The following TGDS variants were observed in gnomAD, a reference collection of about 807,000 sequenced individuals.
TGDS encodes the protein UDP-D-glucose 4,6-dehydratase.
In TGDS, 47 loss-of-function variants were observed where a neutral mutation model predicts 52.3. The ratio of observed to expected loss-of-function variants is 0.90; its 90% CI spans 0.71 to 1.15. The LOEUF (loss-of-function observed/expected upper bound fraction) is 1.15. Ranked by LOEUF, TGDS falls within the 50% of genes most tolerant of loss-of-function variation. The pLI is 0.00. For synonymous variants in TGDS, 115 were observed against 136.9 expected (o/e 0.84, Z 1.12); for missense variants, 375 against 418.4 (o/e 0.90, Z 0.90).
intron 5 of TGDS, 98 bp downstream of exon 5, chr13:94,582,996 G>T: frequency 7.8e-7 from 1 of 1,281,722 alleles, no homozygotes; most frequent in Non-Finnish European, 1.1e-6. Flanking sequence ...TGCCACAAGT[G>T]TATATAATTT....
chr13:94,592,702 C>T (rs1044763480), intron 2 of TGDS, among the ~76,000 whole-genome samples: 15 of 152,248 alleles, frequency 9.9e-5, no homozygotes, highest in African/African-American at 3.6e-4. Context: ...GATCCGCCTG[C>T]CTCAGCCTCC....
At chr13:94,588,533 C>T (rs1889084715) in intron 4 of TGDS, among the ~76,000 whole-genome samples, 1 of 146,732 alleles carries the variant, frequency 6.8e-6, no homozygotes, top group South Asian at 2.3e-4. Context: ...TTATAAAAAT[C>T]TATAAGGAAA....
intron 1 of TGDS, chr13:94,595,830 G>C (rs1889354650): frequency 8.3e-6 from 5 of 600,082 alleles, no homozygotes; most frequent in Non-Finnish European, 1.5e-5. Context: ...GGAGAGTAAC[G>C]CAGCTTTGGA....
In TGDS at chr13:94,590,885, A is replaced by G. The variant is rs1429058726; in HGVS notation, c.281T>C (p.Ile94Thr). The G allele has an allele frequency of 1.4e-5, 22 of 1,576,786 alleles. No individual in the cohort carries two copies. Among genetic ancestry groups the G allele is most frequent in the African/African-American group, 4.2e-5 (3 of 72,256 alleles). ...KLLFETEKID[I>T]VLHFAAQTHV... ...TGTTTGTGCGGCAAAATGTAGTACT[A>G]TATCTATTTTCTCTGTTTCAAAAAG... The change falls in exon 4 of 12, where the codon ATA (isoleucine) becomes ACA (threonine). Residue 94 changes from isoleucine to threonine, a missense_variant. Physicochemically the swap from Ile to Thr is moderately conservative, Grantham distance 89. Coordinates refer to ENST00000261296, the MANE Select transcript of TGDS (RefSeq NM_014305.4).
intron 5 of TGDS, among the ~76,000 whole-genome samples, chr13:94,581,785 CATAA>C (rs2139522812): frequency 6.6e-6 from 1 of 152,114 alleles, no homozygotes; most frequent in African/African-American, 2.4e-5. Flanking sequence ...TAAGTAAATT[CATAA>C]ATAATAAAAT....
rs778393818 is a variant in TGDS, at chr13:94,578,028, G to C, written c.802C>G (p.Leu268Val). Residue 268 changes from leucine to valine, a missense_variant, in exon 9 of 12, where the codon CTT (leucine) becomes GTT (valine). Transcript: ENST00000261296. ...GTNFEMSVVQ[L>V]AKELIQLIKE... ...ACCAGTTGTATTAGTTCTTTGGCAA[G>C]CTGGACAACTGACATTTCAAAATTG... 2.5e-6 allele frequency: 4 copies of C among 1,613,650 alleles called. No homozygotes were observed. The African/African-American group carries it at 5.3e-5, about 22-fold the overall frequency.
At position 94,574,707 on chromosome 13, in the gene TGDS, C is replaced by A; in HGVS notation, c.*75G>T. 1.2e-6 allele frequency: 1 copy of A among 861,736 alleles called. No individual in the cohort carries two copies. Among genetic ancestry groups the A allele is most frequent in the South Asian group, 1.5e-5 (1 of 66,636 alleles). The allele number at this position is 861,736 out of a possible 1,614,324, so 53.4% of individuals were successfully genotyped here. On this transcript the variant is annotated 3_prime_UTR_variant, in exon 12 of 12. Coordinates refer to ENST00000261296, the MANE Select transcript of TGDS (RefSeq NM_014305.4). ...AAGAAAAGAGTGCACTTCATTTGGTCACTTAATTTCATACCACTTGGCGAG... is the reference window on the plus strand; with the variant it reads ...AAGAAAAGAGTGCACTTCATTTGGTAACTTAATTTCATACCACTTGGCGAG...
intron 4 of TGDS, among the ~76,000 whole-genome samples, chr13:94,590,357 T>G (rs904817407): frequency 6.6e-6 from 1 of 151,798 alleles, no homozygotes; most frequent in Admixed American, 6.6e-5. Context: ...AGCAGTAATA[T>G]TTACTACTGA....
rs1238110100 is a variant in TGDS at position 94,574,833 on chromosome 13, A to G, written c.1002T>C (p.Asn334=). ...IKKTIEWYRE[N]FHNWKNVEKA... ...TTTCCACATTCTTCCAGTTGTGAAA[A>G]TTCTCTCTGTACCATTCAACTAATA... The change falls in exon 12 of 12, where the codon AAT becomes AAC. Residue 334 remains asparagine, a synonymous_variant. Transcript: ENST00000261296. 4.4e-6 allele frequency: 7 copies of G among 1,602,108 alleles called. No individual in the cohort carries two copies. The highest frequency in any genetic ancestry group is 6.0e-6 in the Non-Finnish European group (7 of 1,170,694).
chr13:94,592,215 G>C, intron 3 of TGDS, 26 bp downstream of exon 3: 1 of 1,546,886 alleles, frequency 6.5e-7, no homozygotes, highest in Non-Finnish European at 8.8e-7. Flanking sequence ...AAGAGGCACG[G>C]TACAGTTACA....
At position 94,590,934 on chromosome 13, in the gene TGDS, A is replaced by C; in HGVS notation, c.232T>G (p.Cys78Gly). Reference protein sequence around the residue: ...QNYKFIQGDICDSHFVKLLFE... With the variant: ...QNYKFIQGDIGDSHFVKLLFE... ...AGCAGTTTCACAAAGTGAGAATCAC[A>C]TATGTCACCCTATATGAAAAAGCAA... Residue 78 changes from cysteine to glycine, a missense_variant, in exon 4 of 12, where the codon TGT becomes GGT. Cys to Gly is a radical substitution (Grantham distance 159). Transcript: ENST00000261296. 6.4e-7 allele frequency: 1 copy of C among 1,571,262 alleles called. No homozygotes were observed. Among genetic ancestry groups the C allele is most frequent in the South Asian group, 1.2e-5 (1 of 82,466 alleles).
At chr13:94,581,306 C>G in intron 5 of TGDS, 117 bp from the exon 6 acceptor site, 2 of 593,866 alleles carry the variant, frequency 3.4e-6, no homozygotes, top group Non-Finnish European at 5.5e-6. Flanking sequence ...CTTCTTAAAT[C>G]CTATGTGCCT....
chr13:94,585,140 C>T (rs117999124), intron 4 of TGDS, among the ~76,000 whole-genome samples: 1,574 of 152,108 alleles, frequency 0.01, 16 homozygotes, highest in Non-Finnish European at 0.016. Flanking sequence ...ACCTCTGCCT[C>T]CCAGATTCAA....
At chr13:94,592,420 C>T (rs1566966075) in intron 2 of TGDS, 111 bp from the exon 3 acceptor site, 1 of 803,006 alleles carries the variant, frequency 1.2e-6, no homozygotes, top group Non-Finnish European at 1.9e-6. Context: ...AATACAAGAA[C>T]ATGTCCTCTT....
intron 10 of TGDS, 31 bp downstream of exon 10, chr13:94,577,340 C>G: frequency 6.6e-7 from 1 of 1,519,146 alleles, no homozygotes; most frequent in Middle Eastern, 1.8e-4. Flanking sequence ...GATTTCACAA[C>G]CTTTCCCCAA....
intron 11 of TGDS, among the ~76,000 whole-genome samples, chr13:94,575,285 C>CTTTTTT (rs66717082): frequency 2.7e-5 from 3 of 113,204 alleles, no homozygotes; most frequent in Non-Finnish European, 3.7e-5. Context: ...AACTTCCTTG[C>CTTTTTT]TTTTTTTTTT....
In TGDS at chr13:94,595,912, G is replaced by A. The variant is rs895276328; in HGVS notation, c.86+139C>T. 5 of 902,464 alleles carry A rather than the reference G, an allele frequency of 5.5e-6. No individual in the cohort carries two copies. In the Admixed American group the frequency reaches 8.3e-5, roughly 15 times the overall value. The allele number at this position is 902,464 out of a possible 1,614,324, so 55.9% of individuals were successfully genotyped here. ...GGCCAGAGAGAGAAAAGCTGGTCCA[G>A]GTCGTGCATTAGGACCCTCCCCATA... is the stretch of plus-strand genomic sequence containing the variant. On this transcript the variant is annotated intron_variant, in intron 1 of 11. Coordinates refer to ENST00000261296, the MANE Select transcript of TGDS (RefSeq NM_014305.4).
chr13:94,590,540 C>T (rs1889159283), intron 4 of TGDS, among the ~76,000 whole-genome samples: 1 of 152,096 alleles, frequency 6.6e-6, no homozygotes, highest in Non-Finnish European at 1.5e-5. Flanking sequence ...TGTCCATCTG[C>T]ATACCCACAA....
At chr13:94,579,781 T>C (rs1888721755) in intron 7 of TGDS, 113 bp downstream of exon 7, 1 of 620,198 alleles carries the variant, frequency 1.6e-6, no homozygotes, top group Non-Finnish European at 2.7e-6. Context: ...GCATATAAAA[T>C]TATGTATAAT....
Sources: allele counts gnomAD v4.1 joint callset (sites outside exome capture counted in the v4.1 genomes callset), GRCh38; gene constraint gnomAD v4.1.1; transcripts MANE v1.5; gene names NCBI Gene and HGNC (gene_info 2026-07-23, HGNC 2026-07-21).